GRM8: variants seen among roughly 807,000 people sequenced by gnomAD.
GRM8 encodes metabotropic glutamate receptor 8.
Under a neutral mutation model 87.2 loss-of-function variants are expected in GRM8, and 47 were observed. The observed-to-expected ratio is 0.54, with a 90% CI of 0.43 to 0.69. GRM8 has a LOEUF of 0.69. Among genes scored for constraint, GRM8 ranks in the 30% least tolerant of loss-of-function variants. GRM8 has a pLI of 0.00. For missense variants in GRM8, 1,019 were observed against 1,139.2 expected (o/e 0.89, Z 1.52); for synonymous variants, 396 against 404.5 (o/e 0.98, Z 0.25).
chr7:126,849,663 C>T (rs1319958370), intron 6 of GRM8, among the ~76,000 whole-genome samples: 1 of 152,192 alleles, frequency 6.6e-6, no homozygotes. Context: ...ATTTCCTCTC[C>T]TATCCTCACT....
chr7:127,232,878 C>T (rs1797772492), intron 2 of GRM8, among the ~76,000 whole-genome samples: 1 of 152,102 alleles, frequency 6.6e-6, no homozygotes, highest in Admixed American at 6.5e-5. Context: ...CTTGCTGTTA[C>T]CCAGGCTGGA....
intron 3 of GRM8, among the ~76,000 whole-genome samples, chr7:126,927,639 G>A (rs112582316): frequency 0.17 from 25,679 of 152,154 alleles, 2,260 homozygotes; most frequent in East Asian, 0.27. Context: ...ATGGTCATTA[G>A]AGAAATGCAA....
intron 9 of GRM8, among the ~76,000 whole-genome samples, chr7:126,448,885 G>A (rs1209189318): frequency 1.3e-5 from 2 of 151,804 alleles, no homozygotes; most frequent in African/African-American, 4.8e-5. Context: ...GGGCCTTTTG[G>A]AGGGTGGAGG....
intron 2 of GRM8, among the ~76,000 whole-genome samples, chr7:127,108,583 C>A (rs1587037345): frequency 6.6e-6 from 1 of 152,120 alleles, no homozygotes; most frequent in Non-Finnish European, 1.5e-5. Flanking sequence ...TTACACAACT[C>A]CCACCCTGCC....
chr7:126,523,499 T>A (rs1006086263), intron 9 of GRM8, among the ~76,000 whole-genome samples: 1 of 137,322 alleles, frequency 7.3e-6, no homozygotes, highest in Admixed American at 7.2e-5. Context: ...GACCTCTCAA[T>A]TTTTTTTTTT....
intron 6 of GRM8, among the ~76,000 whole-genome samples, chr7:126,816,687 A>G (rs1050372619): frequency 1.3e-5 from 2 of 150,412 alleles, no homozygotes; most frequent in Non-Finnish European, 3.0e-5. Context: ...TGGGATGGTA[A>G]CTGTGTCTTG....
At chr7:126,866,961 C>T (rs1193382562) in intron 6 of GRM8, among the ~76,000 whole-genome samples, 2 of 152,002 alleles carry the variant, frequency 1.3e-5, no homozygotes, top group African/African-American at 4.8e-5. Flanking sequence ...ACAGTCTTCT[C>T]TAAACTAAAG....
intron 6 of GRM8, among the ~76,000 whole-genome samples, chr7:126,843,235 C>T (rs530455338): frequency 5.3e-5 from 8 of 151,976 alleles, no homozygotes; most frequent in Non-Finnish European, 1.2e-4. Flanking sequence ...ACTTCAGTAA[C>T]TAGCAGTGTG....
At chr7:126,479,833 A>G (rs1806455256) in intron 9 of GRM8, among the ~76,000 whole-genome samples, 1 of 152,046 alleles carries the variant, frequency 6.6e-6, no homozygotes, top group Non-Finnish European at 1.5e-5. Flanking sequence ...GGAACTGCCA[A>G]ATTGTCTTCC....
chr7:127,230,295 G>C (rs1797602572), intron 2 of GRM8, among the ~76,000 whole-genome samples: 1 of 152,096 alleles, frequency 6.6e-6, no homozygotes, highest in African/African-American at 2.4e-5. Context: ...TCCTCCTAGA[G>C]ACTCCTAAAA....
At chr7:127,191,247 T>C (rs547683499) in intron 2 of GRM8, among the ~76,000 whole-genome samples, 1 of 152,320 alleles carries the variant, frequency 6.6e-6, no homozygotes, top group East Asian at 1.9e-4. Context: ...AAGCGTCACA[T>C]TGAAAGAATG....
intron 3 of GRM8, among the ~76,000 whole-genome samples, chr7:127,015,000 GAAAGAAGAAGAAGA>G (rs1815298288): frequency 1.2e-5 from 1 of 81,788 alleles, no homozygotes; most frequent in Admixed American, 1.6e-4. Flanking sequence ...AGAAGAAGAA[GAAAGAAGAAGAAGA>G]AGAAGAAGAA....
intron 6 of GRM8, among the ~76,000 whole-genome samples, chr7:126,854,192 A>T (rs978769513): frequency 7.2e-5 from 11 of 152,332 alleles, no homozygotes; most frequent in African/African-American, 2.6e-4. Flanking sequence ...CTGTTCCCTA[A>T]ACAGCCTTTT....
At chr7:127,121,003 A>G (rs1827056583) in intron 2 of GRM8, among the ~76,000 whole-genome samples, 2 of 152,230 alleles carry the variant, frequency 1.3e-5, no homozygotes, top group Non-Finnish European at 2.9e-5. Flanking sequence ...TTTGAAAATA[A>G]CAGATGAGTT....
At chr7:126,873,419 T>G (rs1799274203) in intron 6 of GRM8, among the ~76,000 whole-genome samples, 1 of 152,094 alleles carries the variant, frequency 6.6e-6, no homozygotes, top group Non-Finnish European at 1.5e-5. Flanking sequence ...TTGGCCTACG[T>G]GTTCCATATC....
At chr7:126,783,445 T>C (rs529272491) in intron 6 of GRM8, among the ~76,000 whole-genome samples, 3 of 152,162 alleles carry the variant, frequency 2.0e-5, no homozygotes, top group African/African-American at 7.2e-5. Context: ...AAGGAAAACA[T>C]TGTCAAACAA....
intron 7 of GRM8, among the ~76,000 whole-genome samples, chr7:126,768,357 TAAAAAAAA>T (rs57868820): frequency 3.7e-4 from 20 of 53,550 alleles, no homozygotes; most frequent in South Asian, 3.7e-3. Flanking sequence ...TTTGATAATG[TAAAAAAAA>T]AAAAAAAAAA....
intron 6 of GRM8, among the ~76,000 whole-genome samples, chr7:126,775,987 G>C (rs1275987918): frequency 6.6e-6 from 1 of 151,980 alleles, no homozygotes; most frequent in East Asian, 1.9e-4. Flanking sequence ...TTCATTCCTT[G>C]CCTAGATGTT....
At chr7:127,075,780 C>T (rs1012760511) in intron 3 of GRM8, among the ~76,000 whole-genome samples, 2 of 152,116 alleles carry the variant, frequency 1.3e-5, no homozygotes, top group African/African-American at 4.8e-5. Flanking sequence ...CACTAACCAC[C>T]TGGTTGGGCT....
Sources: allele counts gnomAD v4.1 joint callset (sites outside exome capture counted in the v4.1 genomes callset), GRCh38; gene constraint gnomAD v4.1.1; transcripts MANE v1.5; gene names NCBI Gene and HGNC (gene_info 2026-07-23, HGNC 2026-07-21).